OR51V1: variants seen among roughly 807,000 people sequenced by gnomAD.
OR51V1 encodes the protein olfactory receptor 51V1.
Under a neutral mutation model 16.3 loss-of-function variants are expected in OR51V1, and 16 were observed. The ratio of observed to expected loss-of-function variants is 0.98; its 90% confidence interval spans 0.67 to 1.49. The LOEUF (loss-of-function observed/expected upper bound fraction) is 1.49, where lower values mean the gene tolerates loss of function less well. Ranked by LOEUF, OR51V1 falls within the 40% of genes most tolerant of loss-of-function variation. The probability of loss-of-function intolerance (pLI) is 0.00; values close to 1 mark genes in which losing one functional copy is unlikely to be tolerated. For missense variants in OR51V1, 469 were observed against 380.4 expected, an observed-to-expected ratio of 1.23 and a Z score of -1.94; for synonymous variants, 189 against 142.2, an observed-to-expected ratio of 1.33 and a Z score of -2.34.
In OR51V1 at chr11:5,199,789, C is replaced by T. The variant is rs778411229; in HGVS notation, c.894G>A (p.Lys298=). 17 of 1,613,270 alleles carry T rather than the reference C, an allele frequency of 1.1e-5. No homozygotes were observed. The highest frequency in any genetic ancestry group is 1.4e-5 in the Non-Finnish European group (16 of 1,179,630). The change falls in exon 1 of 1, where the codon AAG becomes AAA. Residue 298 remains lysine (K), a synonymous_variant. Transcript: ENST00000641270. ...GCATTCTGGTATGAATCTGTTGGGT[C>T]TTGACACTGTAGATGATGGGATTCA... The part of the protein sequence containing the change: ...PLMNPIIYSV[K]TQQIHTRMLR...
At position 5,200,446 on chromosome 11, in the gene OR51V1, G is replaced by A; in HGVS notation, c.237C>T (p.Ser79=). 1 of 1,613,894 alleles carries A rather than the reference G, an allele frequency of 6.2e-7. No individual in the cohort carries two copies. Among genetic ancestry groups the A allele is most frequent in the Non-Finnish European group, 8.5e-7 (1 of 1,179,938 alleles). The change falls in exon 1 of 1, where the codon TCC becomes TCT. Residue 79 remains serine, a synonymous_variant. Transcript: ENST00000641270. ...GGATCCCCAGCACTGTGTACACAGT[G>A]GACAGCCCCATGCACAGGTCAGTGA... ...LALTDLCMGL[S]TVYTVLGILW... is the part of the protein sequence containing the mutation.
rs1847201728 is a variant in OR51V1, at chr11:5,200,631, T to C, written c.52A>G (p.Thr18Ala). The C allele has an allele frequency of 1.2e-6, 2 of 1,611,912 alleles. No individual in the cohort carries two copies. ...STSTNSSFLL[T>A]GFSGMEQQYP... ...TGCTGCTCCATGCCAGAAAATCCAG[T>C]GAGAAGAAAGGAAGAATTCGTGCTG... The change falls in exon 1 of 1, where the codon ACT becomes GCT. Residue 18 changes from threonine to alanine, a missense_variant. Coordinates refer to ENST00000641270, the MANE Select transcript of OR51V1 (RefSeq NM_001004760.3).
chr11:5,200,117 C>T lies in OR51V1; in HGVS notation c.566G>A (p.Arg189His), dbSNP rs761721053. 12 of 1,613,496 alleles carry T rather than the reference C, an allele frequency of 7.4e-6. No homozygotes were observed. Among genetic ancestry groups the T allele is most frequent in the Middle Eastern group, 1.6e-4 (1 of 6,084 alleles). The change falls in exon 1 of 1, where the codon CGC becomes CAC. Residue 189 changes from arginine to histidine, a missense_variant. Physicochemically the swap from Arg to His is conservative, Grantham distance 29. Coordinates refer to ENST00000641270, the MANE Select transcript of OR51V1 (RefSeq NM_001004760.3). Reference sequence around the variant, plus strand: ...GAATCGGATGTCTGAACAGGCTAAGCGGAGAAGATCCTGGTGCAGGCAGAA... The same window carrying T: ...GAATCGGATGTCTGAACAGGCTAAGTGGAGAAGATCCTGGTGCAGGCAGAA... ...HSFCLHQDLL[R>H]LACSDIRFNS...
chr11:5,200,117 C>CG lies in OR51V1; in HGVS notation c.565dup (p.Arg189ProfsTer11), dbSNP rs1847190733. 6.2e-7 allele frequency: 1 copy of CG among 1,613,614 alleles called. No homozygotes were observed. The highest frequency in any genetic ancestry group is 1.3e-5 in the African/African-American group (1 of 74,942). Reference sequence around the variant, plus strand: ...GAATCGGATGTCTGAACAGGCTAAGCGGAGAAGATCCTGGTGCAGGCAGAA... The same window carrying CG: ...GAATCGGATGTCTGAACAGGCTAAGCGGGAGAAGATCCTGGTGCAGGCAGAA... On this transcript the variant is annotated frameshift_variant, in exon 1 of 1. Transcript: ENST00000641270. LOFTEE classifies it high-confidence loss of function.
In OR51V1 at chr11:5,199,846, A is replaced by G. The variant is rs61735483; in HGVS notation, c.837T>C (p.Ile279=). The G allele has an allele frequency of 3.5e-3, 5,699 of 1,614,086 alleles. 193 individuals carry two copies. The African/African-American group carries it at 0.069, about 19-fold the overall frequency. ...KHLSPVAHVL[I]GNIYILFPPL... is the part of the protein sequence containing the mutation. ...GTGGGAAAAGGATGTAGATGTTGCCAATGAGAACGTGGGCCACGGGGGAAA... is the reference window on the plus strand; with the variant it reads ...GTGGGAAAAGGATGTAGATGTTGCCGATGAGAACGTGGGCCACGGGGGAAA... The change falls in exon 1 of 1, where the codon ATT becomes ATC. Residue 279 remains isoleucine, a synonymous_variant. Coordinates refer to ENST00000641270, the MANE Select transcript of OR51V1 (RefSeq NM_001004760.3).
Position 5,200,616 on chromosome 11 carries a change from T to C in OR51V1, c.67A>G (p.Met23Val). The change falls in exon 1 of 1, where the codon ATG (methionine) becomes GTG (valine). Residue 23 changes from methionine to valine, a missense_variant. Met to Val is a conservative substitution (Grantham distance 21). Coordinates refer to ENST00000641270, the MANE Select transcript of OR51V1 (RefSeq NM_001004760.3). ...GAAAGCCAGGGGTATTGCTGCTCCA[T>C]GCCAGAAAATCCAGTGAGAAGAAAG... ...SSFLLTGFSG[M>V]EQQYPWLSIP... The C allele has an allele frequency of 1.9e-6, 3 of 1,613,302 alleles. No individual in the cohort carries two copies. Among genetic ancestry groups the C allele is most frequent in the Non-Finnish European group, 2.5e-6 (3 of 1,179,252 alleles).
Position 5,199,774 on chromosome 11 carries a change from AT to A in OR51V1, c.908del (p.His303LeufsTer10). ...GAGAAAAGAGTCTAAGCATTCTGGT[AT>A]GAATCTGTTGGGTCTTGACACTGTA... is the stretch of plus-strand genomic sequence containing the variant. Reference protein sequence around the residue: ...IIYSVKTQQIHTRMLRLFSLK... With the variant: ...IIYSVKTQQIXTRMLRLFSLK... On this transcript the variant is annotated frameshift_variant, in exon 1 of 1. Coordinates refer to ENST00000641270, the MANE Select transcript of OR51V1 (RefSeq NM_001004760.3). LOFTEE classifies it high-confidence loss of function. The A allele has an allele frequency of 1.2e-6, 2 of 1,612,722 alleles. No individual in the cohort carries two copies. Among genetic ancestry groups the A allele is most frequent in the Non-Finnish European group, 1.7e-6 (2 of 1,178,972 alleles).
In OR51V1 at chr11:5,200,067, C is replaced by G; in HGVS notation, c.616G>C (p.Val206Leu). The G allele has an allele frequency of 1.2e-6, 2 of 1,613,166 alleles. No homozygotes were observed. Among genetic ancestry groups the G allele is most frequent in the Non-Finnish European group, 1.7e-6 (2 of 1,179,208 alleles). The change falls in exon 1 of 1, where the codon GTT becomes CTT. Residue 206 changes from valine to leucine, a missense_variant. Physicochemically the swap from Val to Leu is conservative, Grantham distance 32 (BLOSUM62 1). Coordinates refer to ENST00000641270, the MANE Select transcript of OR51V1 (RefSeq NM_001004760.3). Reference protein sequence around the residue: ...RFNSYYALMLVICILLLDAIL... With the variant: ...RFNSYYALMLLICILLLDAIL... ...GCATCCAACAACAGTATGCAAATAA[C>G]CAGCATCAGGGCATAGTAACTATTG... is the stretch of plus-strand genomic sequence containing the variant.
Position 5,199,874 on chromosome 11 carries a change from T to A in OR51V1, c.809A>T (p.His270Leu). 1 of 1,614,048 alleles carries A rather than the reference T, an allele frequency of 6.2e-7. No individual in the cohort carries two copies. ...SLTMVHRFGK[H>L]LSPVAHVLIG... is the part of the protein sequence containing the mutation. ...GAGAACGTGGGCCACGGGGGAAAGG[T>A]GCTTGCCAAAACGGTGCACCATTGT... The change falls in exon 1 of 1, where the codon CAC becomes CTC. Residue 270 changes from histidine to leucine, a missense_variant. Physicochemically the swap from His to Leu is moderately conservative, Grantham distance 99. Transcript: ENST00000641270.
chr11:5,200,372 G>T lies in OR51V1; in HGVS notation c.311C>A (p.Ser104Tyr). The T allele has an allele frequency of 6.2e-7, 1 of 1,613,950 alleles. No individual in the cohort carries two copies. The highest frequency in any genetic ancestry group is 8.5e-7 in the Non-Finnish European group (1 of 1,179,898). ...GAAGGACAGACCATGGATGAAATAG[G>T]ACTGGGCAATGCAGGAATCCAAGCT... ...EISLDSCIAQ[S>Y]YFIHGLSFME... The change falls in exon 1 of 1, where the codon TCC becomes TAC. Residue 104 changes from serine (S) to tyrosine (Y), a missense_variant. Transcript: ENST00000641270.
At position 5,200,650 on chromosome 11, in the gene OR51V1, C is replaced by T. The variant is rs550954546; in HGVS notation, c.33G>A (p.Thr11=). MITSVSPSTS[T]NSSFLLTGFS... Reference sequence around the variant, plus strand: ...ATCCAGTGAGAAGAAAGGAAGAATTCGTGCTGGTGCTAGGGCTTACTGAAG... The same window carrying T: ...ATCCAGTGAGAAGAAAGGAAGAATTTGTGCTGGTGCTAGGGCTTACTGAAG... The change falls in exon 1 of 1, where the codon ACG becomes ACA. Residue 11 remains threonine, a synonymous_variant. Transcript: ENST00000641270. 14 of 1,610,466 alleles carry T rather than the reference C, an allele frequency of 8.7e-6. No homozygotes were observed. The highest frequency in any genetic ancestry group is 2.7e-5 in the African/African-American group (2 of 74,960).
rs769794932 is a variant in OR51V1, at chr11:5,200,629, A to C, written c.54T>G (p.Thr18=). ...STSTNSSFLL[T]GFSGMEQQYP... is the part of the protein sequence containing the mutation. Reference sequence around the variant, plus strand: ...ATTGCTGCTCCATGCCAGAAAATCCAGTGAGAAGAAAGGAAGAATTCGTGC... The same window carrying C: ...ATTGCTGCTCCATGCCAGAAAATCCCGTGAGAAGAAAGGAAGAATTCGTGC... Residue 18 remains threonine, a synonymous_variant, in exon 1 of 1, where the codon ACT becomes ACG. Transcript: ENST00000641270. 1.2e-6 allele frequency: 2 copies of C among 1,612,274 alleles called. No individual in the cohort carries two copies. The highest frequency in any genetic ancestry group is 1.7e-5 in the Admixed American group (1 of 59,994).
Position 5,199,872 on chromosome 11 carries a change from G to A in OR51V1, c.811C>T (p.Leu271Phe). The A allele has an allele frequency of 6.2e-7, 1 of 1,614,114 alleles. No individual in the cohort carries two copies. The highest frequency in any genetic ancestry group is 1.7e-5 in the Admixed American group (1 of 60,018). ...LTMVHRFGKH[L>F]SPVAHVLIGN... ...ATGAGAACGTGGGCCACGGGGGAAA[G>A]GTGCTTGCCAAAACGGTGCACCATT... Residue 271 changes from leucine to phenylalanine, a missense_variant, in exon 1 of 1, where the codon CTT (leucine) becomes TTT (phenylalanine). Physicochemically the swap from Leu to Phe is conservative, Grantham distance 22. Transcript: ENST00000641270.
Position 5,200,618 on chromosome 11 carries a change from C to A in OR51V1, c.65G>T (p.Gly22Val), listed in dbSNP as rs1847201594. Residue 22 changes from glycine to valine, a missense_variant, in exon 1 of 1, where the codon GGC becomes GTC. Coordinates refer to ENST00000641270, the MANE Select transcript of OR51V1 (RefSeq NM_001004760.3). ...AAGCCAGGGGTATTGCTGCTCCATG[C>A]CAGAAAATCCAGTGAGAAGAAAGGA... ...NSSFLLTGFS[G>V]MEQQYPWLSI... is the part of the protein sequence containing the mutation. 1 of 1,612,510 alleles carries A rather than the reference C, an allele frequency of 6.2e-7. No individual in the cohort carries two copies. The highest frequency in any genetic ancestry group is 8.5e-7 in the Non-Finnish European group (1 of 1,178,648).
rs754812036 is a variant in OR51V1 at position 5,200,171 on chromosome 11, T to C, written c.512A>G (p.Tyr171Cys). The change falls in exon 1 of 1, where the codon TAC becomes TGC. Residue 171 changes from tyrosine (Y) to cysteine (C), a missense_variant. Tyr to Cys is a radical substitution (Grantham distance 194). Coordinates refer to ENST00000641270, the MANE Select transcript of OR51V1 (RefSeq NM_001004760.3). ...GTGAGAAAGGATGTGGAAATGACAGTAATTAAAAAATTTCAGACAGATGAT... is the reference window on the plus strand; with the variant it reads ...GTGAGAAAGGATGTGGAAATGACAGCAATTAAAAAATTTCAGACAGATGAT... ...PPIICLKFFN[Y>C]CHFHILSHSF... 2 of 1,612,922 alleles carry C rather than the reference T, an allele frequency of 1.2e-6. No homozygotes were observed. The highest frequency in any genetic ancestry group is 1.7e-6 in the Non-Finnish European group (2 of 1,179,174).
At position 5,200,585 on chromosome 11, in the gene OR51V1, G is replaced by A. The variant is rs1210518004; in HGVS notation, c.98C>T (p.Pro33Leu). 4.3e-6 allele frequency: 7 copies of A among 1,613,562 alleles called. No homozygotes were observed. In the African/African-American group the frequency reaches 9.4e-5, roughly 22 times the overall value. Residue 33 changes from proline to leucine, a missense_variant, in exon 1 of 1, where the codon CCC (proline) becomes CTC (leucine). Physicochemically the swap from Pro to Leu is moderately conservative, Grantham distance 98. Coordinates refer to ENST00000641270, the MANE Select transcript of OR51V1 (RefSeq NM_001004760.3). ...CACCATGGCATAGATTGAGGAGAAG[G>A]GGATGGAAAGCCAGGGGTATTGCTG... is the stretch of plus-strand genomic sequence containing the variant. ...MEQQYPWLSI[P>L]FSSIYAMVLL...
chr11:5,199,893 C>G lies in OR51V1; in HGVS notation c.790G>C (p.Val264Leu), dbSNP rs1449626278. The change falls in exon 1 of 1, where the codon GTG becomes CTG. Residue 264 changes from valine (V) to leucine (L), a missense_variant. Val to Leu is a conservative substitution (Grantham distance 32). Transcript: ENST00000641270. The part of the protein sequence containing the change: ...FYIPIISLTM[V>L]HRFGKHLSPV... Reference sequence around the variant, plus strand: ...GAAAGGTGCTTGCCAAAACGGTGCACCATTGTGAGGCTAATGATAGGGATG... The same window carrying G: ...GAAAGGTGCTTGCCAAAACGGTGCAGCATTGTGAGGCTAATGATAGGGATG... The G allele has an allele frequency of 6.2e-7, 1 of 1,613,942 alleles. No homozygotes were observed. Among genetic ancestry groups the G allele is most frequent in the Non-Finnish European group, 8.5e-7 (1 of 1,179,962 alleles).
At position 5,200,454 on chromosome 11, in the gene OR51V1, C is replaced by T. The variant is rs376433007; in HGVS notation, c.229G>A (p.Gly77Arg). ...AGCACTGTGTACACAGTGGACAGCC[C>T]CATGCACAGGTCAGTGAGGGCCAGC... ...SMLALTDLCM[G>R]LSTVYTVLGI... The change falls in exon 1 of 1, where the codon GGG becomes AGG. Residue 77 changes from glycine (G) to arginine (R), a missense_variant. Coordinates refer to ENST00000641270, the MANE Select transcript of OR51V1 (RefSeq NM_001004760.3). The T allele has an allele frequency of 8.1e-6, 13 of 1,613,842 alleles. No homozygotes were observed. Among genetic ancestry groups the T allele is most frequent in the Non-Finnish European group, 1.1e-5 (13 of 1,180,000 alleles).
rs201879785 is a variant in OR51V1, at chr11:5,200,263, A to G, written c.420T>C (p.Thr140=). The change falls in exon 1 of 1, where the codon ACT becomes ACC. Residue 140 remains threonine, a synonymous_variant. Transcript: ENST00000641270. ...GCCCAATTTTGATAATTCTGGAATTAGTCAGGATGGAGGAATAACGTAGTG... is the reference window on the plus strand; with the variant it reads ...GCCCAATTTTGATAATTCTGGAATTGGTCAGGATGGAGGAATAACGTAGTG... The part of the protein sequence containing the change: ...CNPLRYSSIL[T]NSRIIKIGLT... 175 of 1,613,668 alleles carry G rather than the reference A, an allele frequency of 1.1e-4. 1 individual carries two copies. The East Asian group carries it at 3.0e-3, about 28-fold the overall frequency.
Sources: allele counts gnomAD v4.1 joint callset, GRCh38; gene constraint gnomAD v4.1.1; transcripts MANE v1.5; gene names NCBI Gene and HGNC (gene_info 2026-07-23, HGNC 2026-07-21).